The following HSPBAP1 variants were observed in gnomAD, a reference collection of about 807,000 sequenced individuals.
HSPBAP1 encodes HSPB1 associated protein 1, also known as HSPB1-associated protein 1.
In HSPBAP1, 27 loss-of-function variants were observed where a neutral mutation model predicts 45.2. That is an observed-to-expected ratio of 0.60 (90% CI 0.44 to 0.82). The LOEUF (loss-of-function observed/expected upper bound fraction) is 0.82. HSPBAP1 is among the 40% of genes least tolerant of loss of function. HSPBAP1 has a pLI of 0.00. For synonymous variants in HSPBAP1, 204 were observed against 202.7 expected, an observed-to-expected ratio of 1.01 and a Z score of -0.06; for missense variants, 510 against 590.9, an observed-to-expected ratio of 0.86 and a Z score of 1.42.
At chr3:122,742,542 T>C (rs571438979) in intron 6 of HSPBAP1, among the ~76,000 whole-genome samples, 19 of 152,330 alleles carry the variant, frequency 1.2e-4, no homozygotes, top group African/African-American at 4.6e-4. Context: ...TAATGATTAA[T>C]TTTGAGTCAA....
chr3:122,747,769 C>G lies in HSPBAP1; in HGVS notation c.825+4822G>C, dbSNP rs867922995. On this transcript the variant is annotated intron_variant, in intron 6 of 7. Transcript: ENST00000306103. ...TCCCGGAGGGAGGTGGGGGGGTCAG[C>G]CCCCCGCCCGGCCAGCCGCCCCGTC... Among the ~76,000 whole-genome samples, 220 of 126,384 alleles carry G rather than the reference C, an allele frequency of 1.7e-3. 2 individuals are homozygous for G. The highest frequency in any genetic ancestry group is 4.2e-3 in the East Asian group (16 of 3,820). 82.9% of individuals were successfully genotyped at this position (126,384 alleles called of 152,430 possible).
chr3:122,776,873 G>A (rs943817613), intron 2 of HSPBAP1, among the ~76,000 whole-genome samples: 4 of 152,158 alleles, frequency 2.6e-5, no homozygotes, highest in African/African-American at 7.2e-5. Flanking sequence ...TGGAGCAGCA[G>A]GAAGCGAAGC....
At chr3:122,759,541 T>C (rs1236310064) in intron 3 of HSPBAP1, among the ~76,000 whole-genome samples, 181 bp from the exon 4 acceptor site, 1 of 152,238 alleles carries the variant, frequency 6.6e-6, no homozygotes, top group Non-Finnish European at 1.5e-5. Flanking sequence ...GCCAATAACA[T>C]ATTTGAATAA....
rs529849134 is a variant in HSPBAP1, at chr3:122,758,083, T to G, written c.569+1141A>C. On this transcript the variant is annotated intron_variant, in intron 4 of 7. Transcript: ENST00000306103. Reference sequence around the variant, plus strand: ...CACATGTGAAATGTATCCACAGACATACTGACTATTTCTCCTGAATCTGCT... The same window carrying G: ...CACATGTGAAATGTATCCACAGACAGACTGACTATTTCTCCTGAATCTGCT... Among the ~76,000 whole-genome samples, 37 of 152,352 alleles carry G rather than the reference T, an allele frequency of 2.4e-4. No homozygotes were observed. In the East Asian group the frequency reaches 5.2e-3, roughly 21 times the overall value.
At chr3:122,777,363 T>C (rs79568312) in intron 2 of HSPBAP1, among the ~76,000 whole-genome samples, 8,245 of 152,248 alleles carry the variant, frequency 0.054, 289 homozygotes, top group Middle Eastern at 0.11. Flanking sequence ...ATTAGATTAG[T>C]ATTGGTCTAA....
chr3:122,761,300 G>A (rs1424184781), intron 3 of HSPBAP1, among the ~76,000 whole-genome samples: 6 of 152,030 alleles, frequency 3.9e-5, no homozygotes, highest in African/African-American at 7.2e-5. Flanking sequence ...AAGCACACAC[G>A]AAACTTTATA....
intron 2 of HSPBAP1, among the ~76,000 whole-genome samples, chr3:122,770,668 T>A (rs1934963493): frequency 6.6e-6 from 1 of 152,064 alleles, no homozygotes; most frequent in African/African-American, 2.4e-5. Context: ...GTCACCGCAC[T>A]CCAGCCTGGG....
intron 1 of HSPBAP1, among the ~76,000 whole-genome samples, chr3:122,780,439 T>A (rs1282916342): frequency 1.9e-5 from 2 of 107,128 alleles, no homozygotes; most frequent in African/African-American, 3.7e-5. Flanking sequence ...GGCTCCTCAC[T>A]TCCCAGTAGG....
At chr3:122,778,665 G>T (rs1935282377) in intron 1 of HSPBAP1, among the ~76,000 whole-genome samples, 2 of 152,106 alleles carry the variant, frequency 1.3e-5, no homozygotes, top group African/African-American at 4.8e-5. Flanking sequence ...AAGTAGCAGG[G>T]ACTACAGGCG....
In HSPBAP1 at chr3:122,759,269, T is replaced by G. The variant is rs1182863434; in HGVS notation, c.524A>C (p.His175Pro). The G allele has an allele frequency of 6.2e-7, 1 of 1,613,688 alleles. No individual in the cohort carries two copies. The highest frequency in any genetic ancestry group is 8.5e-7 in the Non-Finnish European group (1 of 1,179,896). The change falls in exon 4 of 8, where the codon CAT becomes CCT. Residue 175 changes from histidine (H) to proline (P), a missense_variant. His to Pro is a moderately conservative substitution (Grantham distance 77). Coordinates refer to ENST00000306103, the MANE Select transcript of HSPBAP1 (RefSeq NM_024610.6). ...CAAGTTACAACCATAGGAGTCCAGATGACAGGGTGTGTGGGCTCCCAAGGA... is the reference window on the plus strand; with the variant it reads ...CAAGTTACAACCATAGGAGTCCAGAGGACAGGGTGTGTGGGCTCCCAAGGA... ...IGSLGAHTPC[H>P]LDSYGCNLVF...
intron 1 of HSPBAP1, among the ~76,000 whole-genome samples, chr3:122,790,920 T>A (rs567223347): frequency 6.6e-5 from 10 of 152,244 alleles, no homozygotes; most frequent in Non-Finnish European, 1.5e-4. Context: ...CTTGACTTTA[T>A]TTAATGTATT....
chr3:122,740,330 C>A lies in HSPBAP1; in HGVS notation c.*15G>T. The A allele has an allele frequency of 6.7e-7, 1 of 1,503,710 alleles. No individual in the cohort carries two copies. The highest frequency in any genetic ancestry group is 1.3e-5 in the South Asian group (1 of 75,380). The allele number at this position is 1,503,710 out of a possible 1,614,324, so 93.1% of individuals were successfully genotyped here. On this transcript the variant is annotated 3_prime_UTR_variant, in exon 8 of 8. Transcript: ENST00000306103. ...ATTTAAAAAATATTATTTTAAAAGTCATCTTCCACTTGAATCATAAACTTC... is the reference window on the plus strand; with the variant it reads ...ATTTAAAAAATATTATTTTAAAAGTAATCTTCCACTTGAATCATAAACTTC...
intron 1 of HSPBAP1, among the ~76,000 whole-genome samples, chr3:122,778,665 G>A (rs1935282377): frequency 1.3e-5 from 2 of 151,992 alleles, no homozygotes; most frequent in Non-Finnish European, 2.9e-5. Flanking sequence ...AAGTAGCAGG[G>A]ACTACAGGCG....
At chr3:122,762,264 C>G (rs567876318) in intron 3 of HSPBAP1, among the ~76,000 whole-genome samples, 3 of 149,642 alleles carry the variant, frequency 2.0e-5, no homozygotes, top group East Asian at 3.9e-4. Flanking sequence ...TCCAACTTCT[C>G]CTTTATCTTT....
intron 3 of HSPBAP1, among the ~76,000 whole-genome samples, chr3:122,763,276 G>A (rs575952450): frequency 1.6e-4 from 25 of 152,338 alleles, no homozygotes; most frequent in African/African-American, 5.8e-4. Flanking sequence ...GTCTGAGAAT[G>A]AGGGTGTAGG....
intron 1 of HSPBAP1, among the ~76,000 whole-genome samples, chr3:122,779,063 C>T (rs1434354033): frequency 6.7e-6 from 1 of 150,004 alleles, no homozygotes; most frequent in Non-Finnish European, 1.5e-5. Flanking sequence ...GAGACAGAGT[C>T]TCGCTCTGTC....
intron 1 of HSPBAP1, 61 bp downstream of exon 1, chr3:122,793,556 G>T: frequency 6.7e-7 from 1 of 1,503,636 alleles, no homozygotes; most frequent in Non-Finnish European, 9.3e-7. Flanking sequence ...CACGAGGGGT[G>T]CCACGAGAGT....
chr3:122,761,915 G>A (rs1934606444), intron 3 of HSPBAP1: 1 of 152,108 alleles, frequency 6.6e-6, no homozygotes, highest in Non-Finnish European at 1.5e-5. Flanking sequence ...GTCAATGTGG[G>A]CCCAGGAATC....
chr3:122,768,797 A>G lies in HSPBAP1; in HGVS notation c.336T>C (p.Ser112=), dbSNP rs1934877228. ...LTWNCDQSSI[S]GPFRDYDHSK... ...AATGGTCATAATCTCTAAATGGTCC[A>G]GAAATACTAGACTGGTCACAGTTCC... The change falls in exon 3 of 8, where the codon TCT becomes TCC. Residue 112 remains serine (S), a synonymous_variant. Transcript: ENST00000306103. The G allele has an allele frequency of 6.2e-7, 1 of 1,611,186 alleles. No individual in the cohort carries two copies. The highest frequency in any genetic ancestry group is 1.3e-5 in the African/African-American group (1 of 74,990).
Sources: allele counts gnomAD v4.1 joint callset (sites outside exome capture counted in the v4.1 genomes callset), GRCh38; gene constraint gnomAD v4.1.1; transcripts MANE v1.5; gene names NCBI Gene and HGNC (gene_info 2026-07-23, HGNC 2026-07-21).